ATP11B: variants seen among roughly 807,000 people sequenced by gnomAD.
The protein encoded by ATP11B is ATPase phospholipid transporting 11B (putative), also known as phospholipid-transporting ATPase IF.
In ATP11B, 81 loss-of-function variants were observed where a neutral mutation model predicts 157.8. The observed-to-expected ratio is 0.51, with a 90% CI of 0.43 to 0.62. The LOEUF is 0.62. ATP11B is among the 20% of genes least tolerant of loss of function. ATP11B has a pLI of 0.00. For synonymous variants in ATP11B, 451 were observed against 469.4 expected, an observed-to-expected ratio of 0.96 and a Z score of 0.51; for missense variants, 1,165 against 1,402.2, an observed-to-expected ratio of 0.83 and a Z score of 2.70.
chr3:182,835,282 C>T (rs1470980115), intron 4 of ATP11B, among the ~76,000 whole-genome samples: 1 of 152,126 alleles, frequency 6.6e-6, no homozygotes, highest in Non-Finnish European at 1.5e-5. Context: ...TTCTGTCAGT[C>T]TGTTGTTTAA....
intron 1 of ATP11B, among the ~76,000 whole-genome samples, chr3:182,803,600 G>A (rs1338405721): frequency 2.6e-5 from 4 of 151,932 alleles, no homozygotes; most frequent in African/African-American, 4.8e-5. Context: ...TTTTTCCAGC[G>A]TTTTCTTCAA....
At chr3:182,889,086 C>A (rs1380817719) in intron 24 of ATP11B, among the ~76,000 whole-genome samples, 1 of 152,104 alleles carries the variant, frequency 6.6e-6, no homozygotes, top group African/African-American at 2.4e-5. Context: ...TGGTCTTGAT[C>A]TCTTAACCTT....
At chr3:182,801,056 C>T (rs554558218) in intron 1 of ATP11B, among the ~76,000 whole-genome samples, 2 of 152,282 alleles carry the variant, frequency 1.3e-5, no homozygotes, top group Admixed American at 1.3e-4. Flanking sequence ...TCCACTTCGG[C>T]CTCCCAGAGT....
In ATP11B at chr3:182,920,549, T is replaced by TATC. The variant is rs1263514512; in HGVS notation, c.*2446_*2448dup. ...ATGATGTTGATAATTAACTTACCCT[T>TATC]ATCTGCCAAAACCAGAGCAAAATGC... is the stretch of plus-strand genomic sequence containing the variant. On this transcript the variant is annotated 3_prime_UTR_variant, in exon 30 of 30. Coordinates refer to ENST00000323116, the MANE Select transcript of ATP11B (RefSeq NM_014616.3). The TATC allele has an allele frequency of 6.6e-6, 1 of 152,236 alleles. No homozygotes were observed. Among genetic ancestry groups the TATC allele is most frequent in the African/African-American group, 2.4e-5 (1 of 41,462 alleles). The allele number at this position is 152,236 out of a possible 1,614,324, so 9.4% of individuals were successfully genotyped here.
chr3:182,871,570 A>G (rs948876858), intron 17 of ATP11B, among the ~76,000 whole-genome samples: 7 of 152,206 alleles, frequency 4.6e-5, no homozygotes, highest in African/African-American at 1.4e-4. Context: ...TTGTCATGCA[A>G]TGAATCTTTA....
At chr3:182,885,527 T>C (rs928777549) in intron 22 of ATP11B, among the ~76,000 whole-genome samples, 8 of 152,178 alleles carry the variant, frequency 5.3e-5, no homozygotes, top group Non-Finnish European at 1.2e-4. Context: ...CTTTTACTTG[T>C]AATATGAGTA....
At chr3:182,849,162 C>T (rs576973793) in intron 10 of ATP11B, among the ~76,000 whole-genome samples, 2 of 152,290 alleles carry the variant, frequency 1.3e-5, no homozygotes, top group South Asian at 2.1e-4. Context: ...CTAAAAACTG[C>T]ACATAAATTC....
intron 8 of ATP11B, chr3:182,844,618 G>A (rs73177307): frequency 0.02 from 18,032 of 910,306 alleles, 204 homozygotes; most frequent in Non-Finnish European, 0.023. Context: ...TATACTGTGC[G>A]ATCTTGCCTA....
At chr3:182,798,113 G>A (rs891909704) in intron 1 of ATP11B, among the ~76,000 whole-genome samples, 4 of 152,130 alleles carry the variant, frequency 2.6e-5, no homozygotes, top group Non-Finnish European at 5.9e-5. Context: ...CTCTAGCCTG[G>A]GTGACAGAGT....
chr3:182,916,535 C>T (rs1725152791), intron 29 of ATP11B: 1 of 985,120 alleles, frequency 1.0e-6, no homozygotes, highest in Non-Finnish European at 1.2e-6. Context: ...AAAGAATATG[C>T]CATGTTGCAC....
chr3:182,807,985 A>C (rs538406924), intron 1 of ATP11B, among the ~76,000 whole-genome samples: 1 of 152,326 alleles, frequency 6.6e-6, no homozygotes, highest in South Asian at 2.1e-4. Flanking sequence ...ACTGAGTAGC[A>C]AACACGTTTT....
At chr3:182,847,532 A>G (rs950092651) in intron 9 of ATP11B, among the ~76,000 whole-genome samples, 5 of 152,180 alleles carry the variant, frequency 3.3e-5, no homozygotes, top group African/African-American at 1.2e-4. Context: ...CCACGTTTCT[A>G]TAATCTCTAT....
intron 28 of ATP11B, among the ~76,000 whole-genome samples, chr3:182,908,063 G>C (rs747873744): frequency 6.6e-6 from 1 of 151,966 alleles, no homozygotes; most frequent in Non-Finnish European, 1.5e-5. Context: ...CAAATTCCTA[G>C]TCATATGTTG....
At chr3:182,834,348 T>A (rs1205158581) in intron 4 of ATP11B, among the ~76,000 whole-genome samples, 1 of 152,192 alleles carries the variant, frequency 6.6e-6, no homozygotes, top group Non-Finnish European at 1.5e-5. Context: ...CATAATATTT[T>A]AAAAATAATA....
At chr3:182,827,786 A>G (rs894717988) in intron 2 of ATP11B, among the ~76,000 whole-genome samples, 1 of 151,916 alleles carries the variant, frequency 6.6e-6, no homozygotes, top group South Asian at 2.1e-4. Flanking sequence ...TTAGTTTTGT[A>G]TACCAAAATC....
chr3:182,875,471 T>G (rs1309316431), intron 19 of ATP11B, among the ~76,000 whole-genome samples: 1 of 152,152 alleles, frequency 6.6e-6, no homozygotes, highest in Non-Finnish European at 1.5e-5. Context: ...GAGACAGAGT[T>G]TCACTCTTGT....
intron 7 of ATP11B, among the ~76,000 whole-genome samples, chr3:182,839,720 C>G (rs977634734): frequency 6.6e-6 from 1 of 152,104 alleles, no homozygotes; most frequent in Non-Finnish European, 1.5e-5. Context: ...AAGCAATTCT[C>G]CTGCCTTAGC....
At chr3:182,896,829 C>A in intron 26 of ATP11B, 64 bp downstream of exon 26, 1 of 1,215,974 alleles carries the variant, frequency 8.2e-7, no homozygotes, top group Non-Finnish European at 1.2e-6. Context: ...AGTTAACTTT[C>A]TTCATTTCTT....
chr3:182,848,510 G>T lies in ATP11B; in HGVS notation c.804G>T (p.Met268Ile). 6.3e-7 allele frequency: 1 copy of T among 1,576,880 alleles called. No individual in the cohort carries two copies. Among genetic ancestry groups the T allele is most frequent in the Non-Finnish European group, 8.6e-7 (1 of 1,161,066 alleles). Residue 268 changes from methionine (M) to isoleucine (I), a missense_variant, in exon 10 of 30, where the codon ATG (methionine) becomes ATT (isoleucine). By Grantham distance (10) the Met-to-Ile change is conservative. Around this residue, in one of 4 missense-constraint regions of ATP11B, gnomAD observed 737 missense variants for 930.5 expected, o/e 0.79. Coordinates refer to ENST00000323116, the MANE Select transcript of ATP11B (RefSeq NM_014616.3). Reference sequence around the variant, plus strand: ...TATACACTGGAATGGAAACTAAGATGGCATTAAATTACAAGAGCAAATCAC... The same window carrying T: ...TATACACTGGAATGGAAACTAAGATTGCATTAAATTACAAGAGCAAATCAC... ...VAVYTGMETK[M>I]ALNYKSKSQK...
Sources: gnomAD v4.1 joint callset for allele counts (sites outside exome capture counted in the v4.1 genomes callset) on GRCh38, gnomAD v4.1.1 for gene constraint, gnomAD v4.1.1 regional missense constraint, MANE v1.5 for transcripts, NCBI Gene and HGNC (gene_info 2026-07-23, HGNC 2026-07-21) for gene names.